Variants in CMIP observed in about 807,000 individuals in gnomAD.
CMIP encodes the protein c-Maf inducing protein, also known as C-Maf-inducing protein.
Under a neutral mutation model 97.3 loss-of-function variants are expected in CMIP, and 13 were observed. The ratio of observed to expected loss-of-function variants is 0.13; its 90% CI spans 0.09 to 0.21. CMIP has a LOEUF of 0.21. Ranked by LOEUF, CMIP falls within the 10% of genes least tolerant of loss-of-function variation. The pLI is 1.00. For missense variants in CMIP, 847 were observed against 1,024.9 expected (o/e 0.83, Z 2.37); for synonymous variants, 538 against 436.3 (o/e 1.23, Z -2.91).
intron 1 of CMIP, among the ~76,000 whole-genome samples, chr16:81,576,119 T>TGCGTCTAG (rs539974713): frequency 9.6e-4 from 146 of 152,272 alleles, no homozygotes; most frequent in African/African-American, 3.4e-3. Context: ...AAGAAAAGAA[T>TGCGTCTAG]GCGTCTAGGC....
chr16:81,634,688 A>G (rs2092211551), intron 3 of CMIP, among the ~76,000 whole-genome samples: 2 of 152,284 alleles, frequency 1.3e-5, no homozygotes, highest in Non-Finnish European at 1.5e-5. Flanking sequence ...TGAAACTCAC[A>G]TTAGAGACTT....
intron 3 of CMIP, among the ~76,000 whole-genome samples, chr16:81,649,483 C>T (rs1410221436): frequency 6.6e-6 from 1 of 152,256 alleles, no homozygotes; most frequent in Non-Finnish European, 1.5e-5. Flanking sequence ...TACTCATGGC[C>T]ACCCACCTCA....
At chr16:81,681,302 T>C (rs1461526822) in intron 10 of CMIP, among the ~76,000 whole-genome samples, 1 of 152,168 alleles carries the variant, frequency 6.6e-6, no homozygotes, top group Non-Finnish European at 1.5e-5. Flanking sequence ...GGCTTCAAAC[T>C]GGTTGGACCC....
chr16:81,455,175 A>G (rs1418012759), intron 1 of CMIP, among the ~76,000 whole-genome samples: 2 of 152,166 alleles, frequency 1.3e-5, no homozygotes, highest in African/African-American at 2.4e-5. Context: ...GATGTCACAG[A>G]TTGGAAGGCT....
intron 20 of CMIP, 67 bp from the exon 21 acceptor site, chr16:81,709,679 C>A (rs1035617428): frequency 6.4e-7 from 1 of 1,574,636 alleles, no homozygotes; most frequent in Non-Finnish European, 8.7e-7. Flanking sequence ...GCGGGTGGAG[C>A]CAGGCACTGG....
At chr16:81,507,656 AT>A (rs2089734083) in intron 1 of CMIP, among the ~76,000 whole-genome samples, 1 of 152,220 alleles carries the variant, frequency 6.6e-6, no homozygotes, top group Admixed American at 6.5e-5. Flanking sequence ...TTCAGGAGTC[AT>A]TGGAGATATT....
intron 1 of CMIP, among the ~76,000 whole-genome samples, chr16:81,559,160 G>A (rs186485210): frequency 1.7e-4 from 26 of 152,302 alleles, no homozygotes; most frequent in Admixed American, 4.6e-4. Flanking sequence ...AGAGGGTGGC[G>A]CTTTTTGTTT....
At chr16:81,529,383 T>A (rs2090189485) in intron 1 of CMIP, among the ~76,000 whole-genome samples, 1 of 151,428 alleles carries the variant, frequency 6.6e-6, no homozygotes, top group African/African-American at 2.4e-5. Context: ...GTGGGCAGAG[T>A]GTGAGGGGCT....
At chr16:81,706,156 T>C (rs1908114623) in intron 19 of CMIP, among the ~76,000 whole-genome samples, 1 of 152,246 alleles carries the variant, frequency 6.6e-6, no homozygotes. Context: ...GTGACTGAAC[T>C]AGCCTCAGGG....
intron 1 of CMIP, among the ~76,000 whole-genome samples, chr16:81,592,094 G>T (rs2091475066): frequency 6.6e-6 from 1 of 152,008 alleles, no homozygotes. Flanking sequence ...AAAGTGCCGG[G>T]ATTACAGGCA....
chr16:81,626,592 G>A (rs2092069312), intron 3 of CMIP, among the ~76,000 whole-genome samples: 1 of 146,392 alleles, frequency 6.8e-6, no homozygotes, highest in South Asian at 2.2e-4. Context: ...TGTGAGTGGT[G>A]TGTGGGGTGA....
chr16:81,446,492 C>T (rs1379841951), intron 1 of CMIP, among the ~76,000 whole-genome samples: 3 of 151,934 alleles, frequency 2.0e-5, no homozygotes, highest in Admixed American at 1.3e-4. Flanking sequence ...GAAACAAGGA[C>T]AGTTTCAAAT....
intron 1 of CMIP, among the ~76,000 whole-genome samples, chr16:81,554,287 G>A (rs2090718194): frequency 6.6e-6 from 1 of 152,162 alleles, no homozygotes; most frequent in Non-Finnish European, 1.5e-5. Context: ...CTCTTCAAAA[G>A]GCACTTTAAC....
At chr16:81,629,996 T>G (rs1236235493) in intron 3 of CMIP, among the ~76,000 whole-genome samples, 1 of 152,252 alleles carries the variant, frequency 6.6e-6, no homozygotes, top group Non-Finnish European at 1.5e-5. Context: ...TCTCACCACC[T>G]ATTACCTATT....
intron 1 of CMIP, among the ~76,000 whole-genome samples, chr16:81,508,661 T>G (rs895728092): frequency 6.6e-6 from 1 of 152,186 alleles, no homozygotes; most frequent in Non-Finnish European, 1.5e-5. Flanking sequence ...CTCTGGAATA[T>G]TGATAGGTAT....
chr16:81,677,727 A>G (rs1904415485), intron 9 of CMIP, among the ~76,000 whole-genome samples: 1 of 152,160 alleles, frequency 6.6e-6, no homozygotes, highest in East Asian at 1.9e-4. Flanking sequence ...CTGGAGGGTT[A>G]CCCAGGAGGA....
At chr16:81,564,728 C>G (rs552854649) in intron 1 of CMIP, among the ~76,000 whole-genome samples, 312 of 152,258 alleles carry the variant, frequency 2.0e-3, no homozygotes, top group African/African-American at 7.1e-3. Flanking sequence ...GATTGCACTT[C>G]TAGAAATTGG....
At chr16:81,631,752 A>C (rs2150975358) in intron 3 of CMIP, 1 of 152,378 alleles carries the variant, frequency 6.6e-6, no homozygotes, top group East Asian at 1.9e-4. Flanking sequence ...TGGGGCTGTT[A>C]CGAATAGACC....
chr16:81,523,883 G>A (rs1053324023), intron 1 of CMIP, among the ~76,000 whole-genome samples: 1 of 152,212 alleles, frequency 6.6e-6, no homozygotes, highest in East Asian at 1.9e-4. Flanking sequence ...CCCTCCAAAC[G>A]TCAAGGCGTC....
Sources: gnomAD v4.1 joint callset for allele counts (sites outside exome capture counted in the v4.1 genomes callset) on GRCh38, gnomAD v4.1.1 for gene constraint, MANE v1.5 for transcripts, NCBI Gene and HGNC (gene_info 2026-07-23, HGNC 2026-07-21) for gene names.